VPS41: variants seen among roughly 807,000 people sequenced by gnomAD.
VPS41 encodes VPS41 subunit of HOPS complex.
Under a neutral mutation model 130.9 loss-of-function variants are expected in VPS41, and 85 were observed. The observed-to-expected ratio is 0.65, with a 90% CI of 0.55 to 0.78. VPS41 has a LOEUF of 0.78. Ranked by LOEUF, VPS41 falls within the 30% of genes least tolerant of loss-of-function variation. The probability of loss-of-function intolerance (pLI) is 0.00; values close to 1 mark genes in which losing one functional copy is unlikely to be tolerated. For missense variants in VPS41, 874 were observed against 1,018.7 expected, an observed-to-expected ratio of 0.86 and a Z score of 1.93; for synonymous variants, 335 against 332.9, an observed-to-expected ratio of 1.01 and a Z score of -0.07.
intron 19 of VPS41, among the ~76,000 whole-genome samples, chr7:38,756,575 TTA>T (rs1783798504): frequency 6.6e-6 from 1 of 152,176 alleles, no homozygotes; most frequent in Admixed American, 6.5e-5. Flanking sequence ...AGAAATTACT[TTA>T]TATGCGCACA....
rs968044707 is a variant in VPS41 at position 38,885,290 on chromosome 7, G to A, written c.60+12801C>T. On this transcript the variant is annotated intron_variant, in intron 2 of 28. Transcript: ENST00000310301. The stretch of plus-strand genomic sequence containing the variant: ...GGGTTTCACCGTATTAGCCAGGACG[G>A]TCTCGATCTCCCCACCTCATAATCC... Among the ~76,000 whole-genome samples the A allele has an allele frequency of 3.3e-5, 5 of 152,014 alleles. No individual in the cohort carries two copies. The East Asian group carries it at 9.6e-4, about 29-fold the overall frequency.
chr7:38,731,708 C>G (rs949770978), intron 25 of VPS41, among the ~76,000 whole-genome samples: 3 of 152,138 alleles, frequency 2.0e-5, no homozygotes, highest in Non-Finnish European at 2.9e-5. Flanking sequence ...CAGAATGGCA[C>G]TGAGCACTGC....
intron 2 of VPS41, among the ~76,000 whole-genome samples, chr7:38,872,231 A>C (rs780281575): frequency 6.6e-6 from 1 of 152,194 alleles, no homozygotes; most frequent in African/African-American, 2.4e-5. Flanking sequence ...GGAGGAAGCC[A>C]CTTGCCATGT....
chr7:38,820,364 T>C (rs1785148161), intron 6 of VPS41, among the ~76,000 whole-genome samples: 1 of 152,216 alleles, frequency 6.6e-6, no homozygotes, highest in Non-Finnish European at 1.5e-5. Context: ...ATCTCTCCTT[T>C]ACCTGCTGGT....
At chr7:38,773,452 G>A (rs1428469978) in intron 12 of VPS41, among the ~76,000 whole-genome samples, 1 of 152,152 alleles carries the variant, frequency 6.6e-6, no homozygotes, top group Non-Finnish European at 1.5e-5. Flanking sequence ...TGGCCACAAT[G>A]AGAACTGAAA....
At position 38,725,647 on chromosome 7, in the gene VPS41, G is replaced by A. The variant is rs1795522572; in HGVS notation, c.*599C>T. ...ACAGTCGTCACAGCACACAGAACAT[G>A]TGATTAGTAAACATAATGGTGCAGG... On this transcript the variant is annotated 3_prime_UTR_variant, in exon 29 of 29. Transcript: ENST00000310301. 2 of 152,444 alleles carry A rather than the reference G, an allele frequency of 1.3e-5. No individual in the cohort carries two copies. 9.4% of individuals were successfully genotyped at this position (152,444 alleles called of 1,614,324 possible).
chr7:38,873,011 C>T lies in VPS41; in HGVS notation c.61-3758G>A, dbSNP rs548257731. Among the ~76,000 whole-genome samples, 20 of 152,282 alleles carry T rather than the reference C, an allele frequency of 1.3e-4. No homozygotes were observed. In the South Asian group the frequency reaches 4.1e-3, roughly 32 times the overall value. On this transcript the variant is annotated intron_variant, in intron 2 of 28. Transcript: ENST00000310301. ...TAATTCTAGCCTCTTGACTATTTTGCATAAAAGCACTCATCCACGGACCAT... is the reference window on the plus strand; with the variant it reads ...TAATTCTAGCCTCTTGACTATTTTGTATAAAAGCACTCATCCACGGACCAT...
chr7:38,813,666 G>A (rs1784986617), intron 7 of VPS41, among the ~76,000 whole-genome samples: 2 of 151,912 alleles, frequency 1.3e-5, no homozygotes, highest in African/African-American at 4.8e-5. Context: ...CATATACTAA[G>A]CCTTACATAC....
chr7:38,895,818 T>G (rs1190057870), intron 2 of VPS41, among the ~76,000 whole-genome samples: 5 of 152,164 alleles, frequency 3.3e-5, no homozygotes, highest in Non-Finnish European at 7.3e-5. Context: ...GCTCCTTTCT[T>G]TAAATTCTCG....
intron 27 of VPS41, 189 bp from the exon 28 acceptor site, chr7:38,727,177 T>TG (rs1795561704): frequency 4.7e-6 from 2 of 430,008 alleles, no homozygotes; most frequent in South Asian, 9.7e-5. Context: ...ATAATCATGT[T>TG]GCTATGCGAT....
intron 22 of VPS41, among the ~76,000 whole-genome samples, chr7:38,748,919 C>T (rs990805236): frequency 3.9e-5 from 6 of 151,946 alleles, no homozygotes; most frequent in Admixed American, 6.6e-5. Flanking sequence ...ATGTATAAAA[C>T]GACTCTATCC....
chr7:38,743,619 T>C, intron 23 of VPS41, 77 bp from the exon 24 acceptor site: 1 of 1,521,380 alleles, frequency 6.6e-7, no homozygotes, highest in African/African-American at 1.4e-5. Flanking sequence ...GCATATCTCT[T>C]AATTTGTTTA....
At chr7:38,889,573 A>AAAAAAC (rs1562625397) in intron 2 of VPS41, among the ~76,000 whole-genome samples, 11 of 145,496 alleles carry the variant, frequency 7.6e-5, no homozygotes, top group African/African-American at 2.0e-4. Flanking sequence ...AAAAAAAAAA[A>AAAAAAC]ACCTTAAAAC....
chr7:38,774,108 C>G lies in VPS41; in HGVS notation c.1012+7G>C. 6.3e-7 allele frequency: 1 copy of G among 1,596,394 alleles called. No homozygotes were observed. The highest frequency in any genetic ancestry group is 8.6e-7 in the Non-Finnish European group (1 of 1,168,820). ...AGCATATCAGCCAGATCTTTCATAT[C>G]TCCTACCTAAATGATAATCTCTACA... On this transcript the variant is annotated splice_region_variant and intron_variant, in intron 12 of 28. Coordinates refer to ENST00000310301, the MANE Select transcript of VPS41 (RefSeq NM_014396.4).
At chr7:38,751,872 G>A (rs775770338) in intron 22 of VPS41, among the ~76,000 whole-genome samples, 2 of 152,162 alleles carry the variant, frequency 1.3e-5, no homozygotes, top group Non-Finnish European at 2.9e-5. Flanking sequence ...CCTGGGAGAT[G>A]GACTGAGACT....
In VPS41 at chr7:38,907,961, T is replaced by C. The variant is rs140080499; in HGVS notation, c.21+1193A>G. Among the ~76,000 whole-genome samples, 1,478 of 152,328 alleles carry C rather than the reference T, an allele frequency of 9.7e-3. 6 individuals carry two copies. Among genetic ancestry groups the C allele is most frequent in the Non-Finnish European group, 0.014 (973 of 68,034 alleles). On this transcript the variant is annotated intron_variant, in intron 1 of 28. Transcript: ENST00000310301. ...CTGCTAGAATGGAAATAGGAGTCTC[T>C]AGTGTTAGATAAGAGACTTTGTTAT... is the stretch of plus-strand genomic sequence containing the variant.
chr7:38,866,384 C>T (rs1375657745), intron 3 of VPS41, among the ~76,000 whole-genome samples: 1 of 152,128 alleles, frequency 6.6e-6, no homozygotes, highest in East Asian at 1.9e-4. Context: ...TTTATTTACT[C>T]TGTGGAGGCA....
chr7:38,766,458 G>A (rs1382559976), intron 15 of VPS41, among the ~76,000 whole-genome samples: 1 of 152,152 alleles, frequency 6.6e-6, no homozygotes, highest in East Asian at 1.9e-4. Context: ...TGCTTATAAA[G>A]CAAACAGCTC....
intron 4 of VPS41, among the ~76,000 whole-genome samples, chr7:38,853,177 T>C (rs1271285584): frequency 1.3e-5 from 2 of 152,098 alleles, no homozygotes; most frequent in Admixed American, 6.5e-5. Flanking sequence ...CCCAGCACTT[T>C]GGGAAGCCGA....
Sources: gnomAD v4.1 joint callset for allele counts (sites outside exome capture counted in the v4.1 genomes callset) on GRCh38, gnomAD v4.1.1 for gene constraint, MANE v1.5 for transcripts, NCBI Gene and HGNC (gene_info 2026-07-23, HGNC 2026-07-21) for gene names.